TENM2: variants seen among roughly 807,000 people sequenced by gnomAD.
TENM2 encodes teneurin transmembrane protein 2.
TENM2 carries 52 observed loss-of-function variants against 245.2 expected under a neutral mutation model. That is an observed-to-expected ratio of 0.21 (90% CI 0.17 to 0.27). TENM2 has a LOEUF of 0.27. TENM2 is among the 10% of genes least tolerant of loss of function. The pLI is 1.00. For missense variants in TENM2, 3,046 were observed against 3,666.8 expected, an observed-to-expected ratio of 0.83 and a Z score of 4.37; for synonymous variants, 1,363 against 1,438.9, an observed-to-expected ratio of 0.95 and a Z score of 1.19.
the TENM2 span, among the ~76,000 whole-genome samples, chr5:167,054,581 A>G: frequency 3.9e-5 from 6 of 152,230 alleles, no homozygotes; most frequent in African/African-American, 1.2e-4. Context: ...TGGTAAAAGT[A>G]TATTTAGTTA....
At chr5:167,247,006 T>C in the TENM2 span, among the ~76,000 whole-genome samples, 1 of 152,102 alleles carries the variant, frequency 6.6e-6, no homozygotes. Flanking sequence ...CTAACTTAAA[T>C]GATTGAATAA....
At chr5:167,133,274 G>A in the TENM2 span, among the ~76,000 whole-genome samples, 2 of 152,090 alleles carry the variant, frequency 1.3e-5, no homozygotes, top group Non-Finnish European at 2.9e-5. Flanking sequence ...TTTATGATCC[G>A]GGGAGCCGTG....
the TENM2 span, among the ~76,000 whole-genome samples, chr5:167,004,372 T>C: frequency 6.6e-6 from 1 of 152,218 alleles, no homozygotes; most frequent in Non-Finnish European, 1.5e-5. Context: ...CTACCATATT[T>C]GCTTTAAGCT....
intron 2 of TENM2, among the ~76,000 whole-genome samples, chr5:167,604,674 A>G (rs565771416): frequency 5.3e-5 from 8 of 152,330 alleles, no homozygotes; most frequent in Admixed American, 1.3e-4. Flanking sequence ...CAGGATAGAA[A>G]TGAGACACAT....
exon 4 of TENM2, chr5:167,952,699 T>A (rs563352380): frequency 6.2e-7 from 1 of 1,611,648 alleles, no homozygotes; most frequent in Admixed American, 1.7e-5. Flanking sequence ...AGGAACTCAC[T>A]GACCAATCGG....
exon 25 of TENM2, chr5:168,227,934 C>T: frequency 1.9e-6 from 3 of 1,613,104 alleles, no homozygotes; most frequent in Non-Finnish European, 2.5e-6. Context: ...AATAATGGTA[C>T]CCTGAGGGTG....
intron 3 of TENM2, among the ~76,000 whole-genome samples, chr5:167,940,751 T>C (rs1423645357): frequency 2.0e-5 from 3 of 152,198 alleles, no homozygotes; most frequent in African/African-American, 7.2e-5. Context: ...TTCTGGGCAA[T>C]TCCTACACAC....
intron 2 of TENM2, among the ~76,000 whole-genome samples, chr5:167,391,497 T>G (rs1252922246): frequency 1.3e-5 from 2 of 151,778 alleles, no homozygotes; most frequent in Non-Finnish European, 1.5e-5. Context: ...TGGTGGCTTG[T>G]GCCTGTAATC....
chr5:167,755,298 A>G, intron 2 of TENM2: 1 of 759,950 alleles, frequency 1.3e-6, no homozygotes. Flanking sequence ...ACCAAGGGAG[A>G]GATGGGAGAC....
At chr5:167,813,932 C>T (rs758372611) in intron 2 of TENM2, among the ~76,000 whole-genome samples, 19 of 152,038 alleles carry the variant, frequency 1.2e-4, no homozygotes, top group South Asian at 4.2e-4. Context: ...TTGATAGGGA[C>T]GGGAGCATGG....
intron 2 of TENM2, among the ~76,000 whole-genome samples, chr5:167,502,816 G>A (rs1273904128): frequency 6.6e-6 from 1 of 152,118 alleles, no homozygotes; most frequent in Admixed American, 6.6e-5. Context: ...ATATTCCTGT[G>A]TCAATTCTAA....
At chr5:167,872,474 G>T (rs1163062848) in intron 2 of TENM2, among the ~76,000 whole-genome samples, 1 of 117,646 alleles carries the variant, frequency 8.5e-6, no homozygotes, top group Non-Finnish European at 1.8e-5. Flanking sequence ...AAGAAAGAAA[G>T]AAAGAAAGAA....
chr5:167,104,468 G>T, the TENM2 span, among the ~76,000 whole-genome samples: 10 of 152,102 alleles, frequency 6.6e-5, no homozygotes, highest in Non-Finnish European at 1.5e-4. Flanking sequence ...AATATGGAAA[G>T]GACACACAAT....
chr5:167,385,415 TTC>T (rs1761360095), intron 2 of TENM2, among the ~76,000 whole-genome samples: 1 of 152,030 alleles, frequency 6.6e-6, no homozygotes, highest in Non-Finnish European at 1.5e-5. Context: ...ACTTTAATTT[TTC>T]TTTCTCATTA....
intron 2 of TENM2, among the ~76,000 whole-genome samples, chr5:167,475,242 C>T (rs556024739): frequency 6.6e-6 from 1 of 152,224 alleles, no homozygotes; most frequent in Non-Finnish European, 1.5e-5. Context: ...AAGAATATCA[C>T]ATGTACCTAG....
chr5:167,706,247 CTATA>C (rs1758514811), intron 2 of TENM2, among the ~76,000 whole-genome samples: 1 of 143,566 alleles, frequency 7.0e-6, no homozygotes, highest in Admixed American at 7.0e-5. Flanking sequence ...ATATAGTATA[CTATA>C]TATTATTTAT....
At chr5:167,072,509 G>C in the TENM2 span, among the ~76,000 whole-genome samples, 1 of 152,298 alleles carries the variant, frequency 6.6e-6, no homozygotes, top group Admixed American at 6.5e-5. Flanking sequence ...ATGTAACCTT[G>C]GAATGGTGGT....
chr5:168,240,112 C>T (rs934681138), intron 25 of TENM2, among the ~76,000 whole-genome samples: 2 of 152,104 alleles, frequency 1.3e-5, no homozygotes, highest in African/African-American at 2.4e-5. Context: ...CCCAGCTACT[C>T]GGGAGGCAGA....
At chr5:167,043,546 C>T in the TENM2 span, among the ~76,000 whole-genome samples, 8 of 152,130 alleles carry the variant, frequency 5.3e-5, no homozygotes, top group Admixed American at 2.0e-4. Context: ...GCATCATGCT[C>T]GGGATACCTA....
Sources: allele counts gnomAD v4.1 joint callset (sites outside exome capture counted in the v4.1 genomes callset), GRCh38; gene constraint gnomAD v4.1.1; transcripts MANE v1.5; gene names NCBI Gene and HGNC (gene_info 2026-07-23, HGNC 2026-07-21).